The following KIRREL3 variants were observed in gnomAD, a reference collection of about 807,000 sequenced individuals.
KIRREL3 encodes kin of IRRE-like protein 3.
KIRREL3 carries 36 observed loss-of-function variants against 89.7 expected under a neutral mutation model. The ratio of observed to expected loss-of-function variants is 0.40; its 90% CI spans 0.31 to 0.53. The LOEUF (loss-of-function observed/expected upper bound fraction) is 0.53. KIRREL3 is among the 20% of genes least tolerant of loss of function. The pLI, the probability that KIRREL3 is intolerant of heterozygous loss-of-function variation, is 0.49. For missense variants in KIRREL3, 864 were observed against 1,056.6 expected, an observed-to-expected ratio of 0.82 and a Z score of 2.53; for synonymous variants, 445 against 441.4, an observed-to-expected ratio of 1.01 and a Z score of -0.10.
intron 4 of KIRREL3, among the ~76,000 whole-genome samples, chr11:126,478,256 T>C (rs1050422766): frequency 1.3e-5 from 2 of 152,220 alleles, no homozygotes; most frequent in African/African-American, 4.8e-5. Context: ...CTTCAGTGAC[T>C]CTCCACTACC....
chr11:126,540,569 GC>G (rs1938285399), intron 2 of KIRREL3, among the ~76,000 whole-genome samples: 1 of 152,238 alleles, frequency 6.6e-6, no homozygotes, highest in South Asian at 2.1e-4. Flanking sequence ...CAGGCTCGCG[GC>G]CCCTGCCAAA....
At position 126,454,637 on chromosome 11, in the gene KIRREL3, G is replaced by A. The variant is rs1482678870; in HGVS notation, c.848+1712C>T. 6.6e-6 allele frequency among the ~76,000 whole-genome samples: 1 copy of A among 152,136 alleles called. No individual in the cohort carries two copies. Among genetic ancestry groups the A allele is most frequent in the Non-Finnish European group, 1.5e-5 (1 of 68,018 alleles). On this transcript the variant is annotated intron_variant, in intron 7 of 16. Transcript: ENST00000525144. The surrounding 1 kb of genome is among the most constrained non-coding windows in gnomAD (Gnocchi z 5.8). ...GTATGGAGAAACCCAGGCCTGGCAGGTGCAGCGTGGAAGCCTAGGGCCAGG... is the reference window on the plus strand; with the variant it reads ...GTATGGAGAAACCCAGGCCTGGCAGATGCAGCGTGGAAGCCTAGGGCCAGG...
rs1262501327 is a variant in KIRREL3 at position 126,748,176 on chromosome 11, T to C, written c.56-185264A>G. On this transcript the variant is annotated intron_variant, in intron 1 of 16. Coordinates refer to ENST00000525144, the MANE Select transcript of KIRREL3 (RefSeq NM_032531.4). The surrounding 1 kb of genome is among the most constrained non-coding windows in gnomAD (Gnocchi z 4.6). ...GACTTCAGAGGTGGCCCAGGGCCCA[T>C]CATTTGGGGGCAAGAAGCTGCCTGG... Among the ~76,000 whole-genome samples the C allele has an allele frequency of 2.0e-5, 3 of 152,302 alleles. No individual in the cohort carries two copies. The highest frequency in any genetic ancestry group is 4.4e-5 in the Non-Finnish European group (3 of 68,034).
At position 126,592,355 on chromosome 11, in the gene KIRREL3, C is replaced by T. The variant is rs74565241; in HGVS notation, c.56-29443G>A. ...TGCTAGGTCTGAATCCTTATAACAA[C>T]ACAGTACTATAAAGGTACCATTGTT... On this transcript the variant is annotated intron_variant, in intron 1 of 16. Coordinates refer to ENST00000525144, the MANE Select transcript of KIRREL3 (RefSeq NM_032531.4). 1.1e-3 allele frequency among the ~76,000 whole-genome samples: 174 copies of T among 152,290 alleles called. 1 individual carries two copies. Among genetic ancestry groups the T allele is most frequent in the African/African-American group, 4.0e-3 (165 of 41,552 alleles).
intron 16 of KIRREL3, 95 bp downstream of exon 16, chr11:126,425,543 C>T (rs1565439255): frequency 8.8e-7 from 1 of 1,139,460 alleles, no homozygotes; most frequent in East Asian, 2.6e-5. Context: ...TCTTCTCTGA[C>T]TTGCTGTCAT....
rs1457646069 is a variant in KIRREL3, at chr11:126,766,638, A to C, written c.56-203726T>G. ...GTATCATTCCATTACCATTTCCTCA[A>C]ATGGGGAGTGTACACACGGAAGTTC... On this transcript the variant is annotated intron_variant, in intron 1 of 16. Coordinates refer to ENST00000525144, the MANE Select transcript of KIRREL3 (RefSeq NM_032531.4). The surrounding 1 kb of genome is among the most constrained non-coding windows in gnomAD (Gnocchi z 4.2). Among the ~76,000 whole-genome samples the C allele has an allele frequency of 9.2e-5, 14 of 151,760 alleles. No homozygotes were observed. Among genetic ancestry groups the C allele is most frequent in the Admixed American group, 9.2e-4 (14 of 15,250 alleles).
chr11:126,570,581 C>T lies in KIRREL3; in HGVS notation c.56-7669G>A, dbSNP rs959410685. Among the ~76,000 whole-genome samples the T allele has an allele frequency of 1.3e-5, 2 of 152,210 alleles. No individual in the cohort carries two copies. The highest frequency in any genetic ancestry group is 4.8e-5 in the African/African-American group (2 of 41,454). On this transcript the variant is annotated intron_variant, in intron 1 of 16. Transcript: ENST00000525144. The surrounding 1 kb of genome is among the most constrained non-coding windows in gnomAD (Gnocchi z 6.1). ...ACACACCTGCTGATCACGTGCCGAT[C>T]AGCACCTTACAGCTTGGTAAGCAGT... is the stretch of plus-strand genomic sequence containing the variant.
intron 5 of KIRREL3, among the ~76,000 whole-genome samples, chr11:126,469,953 A>G (rs1012406736): frequency 1.3e-5 from 2 of 152,192 alleles, no homozygotes; most frequent in African/African-American, 2.4e-5. Flanking sequence ...GAGTTGCCTG[A>G]GGTTATGCAG....
At position 126,474,380 on chromosome 11, in the gene KIRREL3, G is replaced by A. The variant is rs1485288560; in HGVS notation, c.434-914C>T. On this transcript the variant is annotated intron_variant, in intron 4 of 16. Transcript: ENST00000525144. The surrounding 1 kb of genome is among the most constrained non-coding windows in gnomAD (Gnocchi z 6.7). ...CCGAGTTCCAGCAAGATTAGTGACT[G>A]GCTCAAGGTCACATGGTGGCAGAGC... is the stretch of plus-strand genomic sequence containing the variant. Among the ~76,000 whole-genome samples the A allele has an allele frequency of 6.6e-6, 1 of 152,216 alleles. No homozygotes were observed. Among genetic ancestry groups the A allele is most frequent in the East Asian group, 1.9e-4 (1 of 5,186 alleles).
chr11:126,726,706 T>C (rs1948396963), intron 1 of KIRREL3, among the ~76,000 whole-genome samples: 1 of 152,166 alleles, frequency 6.6e-6, no homozygotes, highest in Non-Finnish European at 1.5e-5. Context: ...GAGGATCCAG[T>C]CTACCTTTCC....
Position 126,969,241 on chromosome 11 carries a change from A to C in KIRREL3, c.55+31214T>G, listed in dbSNP as rs1031819027. Among the ~76,000 whole-genome samples, 2 of 152,138 alleles carry C rather than the reference A, an allele frequency of 1.3e-5. No homozygotes were observed. Among genetic ancestry groups the C allele is most frequent in the Non-Finnish European group, 2.9e-5 (2 of 68,022 alleles). On this transcript the variant is annotated intron_variant, in intron 1 of 16. Coordinates refer to ENST00000525144, the MANE Select transcript of KIRREL3 (RefSeq NM_032531.4). The surrounding 1 kb of genome is among the most constrained non-coding windows in gnomAD (Gnocchi z 4.9). Reference sequence around the variant, plus strand: ...GCGATTCACTCCATTTACTGACACAATAGACATGGAGTGCCTCCCATGGAC... The same window carrying C: ...GCGATTCACTCCATTTACTGACACACTAGACATGGAGTGCCTCCCATGGAC...
chr11:126,923,296 TCTTC>T (rs1346298431), intron 1 of KIRREL3, among the ~76,000 whole-genome samples: 2 of 133,858 alleles, frequency 1.5e-5, no homozygotes, highest in Non-Finnish European at 3.2e-5. Flanking sequence ...TCCTTCTCCT[TCTTC>T]CTTCTCCTTC....
At chr11:126,759,018 C>T (rs897340754) in intron 1 of KIRREL3, among the ~76,000 whole-genome samples, 2 of 152,184 alleles carry the variant, frequency 1.3e-5, no homozygotes, top group East Asian at 1.9e-4. Flanking sequence ...TGTAAGCCAA[C>T]GGTCTCCAGA....
intron 4 of KIRREL3, among the ~76,000 whole-genome samples, chr11:126,487,876 G>A (rs142706483): frequency 6.6e-6 from 1 of 152,262 alleles, no homozygotes; most frequent in African/African-American, 2.4e-5. Context: ...CCGCACTCCA[G>A]CATGAGTCCT....
At chr11:126,984,722 A>G (rs1328943854) in intron 1 of KIRREL3, among the ~76,000 whole-genome samples, 1 of 152,124 alleles carries the variant, frequency 6.6e-6, no homozygotes, top group Non-Finnish European at 1.5e-5. Flanking sequence ...TCCCCGCACA[A>G]ATTGCTCTCC....
In KIRREL3 at chr11:126,685,901, G is replaced by A. The variant is rs192229247; in HGVS notation, c.56-122989C>T. ...TCCCTCATGCTGGGCTCTTCACGTG[G>A]CATCCTGTGCCTGCTCAATGCTGAA... On this transcript the variant is annotated intron_variant, in intron 1 of 16. Coordinates refer to ENST00000525144, the MANE Select transcript of KIRREL3 (RefSeq NM_032531.4). The surrounding 1 kb of genome is among the most constrained non-coding windows in gnomAD (Gnocchi z 5.5). Among the ~76,000 whole-genome samples the A allele has an allele frequency of 6.6e-6, 1 of 152,324 alleles. No individual in the cohort carries two copies. Among genetic ancestry groups the A allele is most frequent in the Non-Finnish European group, 1.5e-5 (1 of 68,016 alleles).
Position 126,764,367 on chromosome 11 carries a change from C to G in KIRREL3, c.56-201455G>C, listed in dbSNP as rs1949753654. Among the ~76,000 whole-genome samples, 2 of 152,146 alleles carry G rather than the reference C, an allele frequency of 1.3e-5. No homozygotes were observed. Among genetic ancestry groups the G allele is most frequent in the South Asian group, 4.1e-4 (2 of 4,832 alleles). On this transcript the variant is annotated intron_variant, in intron 1 of 16. Coordinates refer to ENST00000525144, the MANE Select transcript of KIRREL3 (RefSeq NM_032531.4). This position sits in a 1 kb window ranked among gnomAD's most constrained non-coding sequence, Gnocchi z 4.2. ...AAAAAATGACAGCATTGGGCTGACACCTGCATCGAATGGAAGCTACACATT... is the reference window on the plus strand; with the variant it reads ...AAAAAATGACAGCATTGGGCTGACAGCTGCATCGAATGGAAGCTACACATT...
chr11:126,644,257 T>C (rs1439090646), intron 1 of KIRREL3, among the ~76,000 whole-genome samples: 1 of 151,952 alleles, frequency 6.6e-6, no homozygotes, highest in Admixed American at 6.6e-5. Context: ...GTGTTACTAA[T>C]AGTAGAGGTA....
rs746535288 is a variant in KIRREL3, at chr11:126,983,009, T to C, written c.55+17446A>G. On this transcript the variant is annotated intron_variant, in intron 1 of 16. Coordinates refer to ENST00000525144, the MANE Select transcript of KIRREL3 (RefSeq NM_032531.4). This position sits in a 1 kb window ranked among gnomAD's most constrained non-coding sequence, Gnocchi z 4.9. ...ATCTCTCCCCCATGGGACCCAATGA[T>C]AGTTGCATCTAGTAGTAACTCCATT... is the stretch of plus-strand genomic sequence containing the variant. Among the ~76,000 whole-genome samples, 12 of 152,354 alleles carry C rather than the reference T, an allele frequency of 7.9e-5. No homozygotes were observed. Among genetic ancestry groups the C allele is most frequent in the Non-Finnish European group, 1.3e-4 (9 of 68,032 alleles).
Sources: allele counts gnomAD v4.1 joint callset (sites outside exome capture counted in the v4.1 genomes callset), GRCh38; gene constraint gnomAD v4.1.1; non-coding constraint Gnocchi (gnomAD v3.1); transcripts MANE v1.5; gene names NCBI Gene and HGNC (gene_info 2026-07-23, HGNC 2026-07-21).